Variants in MOGAT1 observed in about 807,000 individuals in gnomAD.
The protein encoded by MOGAT1 is 2-acylglycerol O-acyltransferase 1.
MOGAT1 carries 32 observed loss-of-function variants against 31.4 expected under a neutral mutation model. The ratio of observed to expected loss-of-function variants is 1.02; its 90% CI spans 0.77 to 1.37. MOGAT1 has a LOEUF of 1.37. Among genes scored for constraint, MOGAT1 ranks in the 40% most tolerant of loss-of-function variants. MOGAT1 has a pLI of 0.00. For missense variants in MOGAT1, 426 were observed against 402.0 expected (o/e 1.06, Z -0.51); for synonymous variants, 145 against 144.5 (o/e 1.00, Z -0.03).
At chr2:222,701,596 A>AAGAAAGGG (rs1692930362) in intron 5 of MOGAT1, among the ~76,000 whole-genome samples, 1 of 138,978 alleles carries the variant, frequency 7.2e-6, no homozygotes, top group African/African-American at 2.8e-5. Context: ...GAAAGAAAGA[A>AAGAAAGGG]AGGGAGGGAG....
In MOGAT1 at chr2:222,709,716, A is replaced by T. The variant is rs771991285; in HGVS notation, c.854-20A>T. 1 of 1,611,008 alleles carries T rather than the reference A, an allele frequency of 6.2e-7. No individual in the cohort carries two copies. Among genetic ancestry groups the T allele is most frequent in the Non-Finnish European group, 8.5e-7 (1 of 1,178,532 alleles). On this transcript the variant is annotated intron_variant, in intron 5 of 5. Coordinates refer to ENST00000446656, the MANE Select transcript of MOGAT1 (RefSeq NM_058165.3). ...GAGTGGTTTTAGTTCCTCACGTATG[A>T]TGTATTCCCTGATTTGCAGTTGGCC...
chr2:222,707,665 A>G (rs1693026282), intron 5 of MOGAT1, among the ~76,000 whole-genome samples: 1 of 152,204 alleles, frequency 6.6e-6, no homozygotes, highest in Non-Finnish European at 1.5e-5. Flanking sequence ...AACAGGACTT[A>G]TGTCTACTAT....
chr2:222,690,280 C>T (rs139250850), intron 3 of MOGAT1, among the ~76,000 whole-genome samples: 122 of 152,090 alleles, frequency 8.0e-4, no homozygotes, highest in African/African-American at 2.9e-3. Context: ...TAAAAAGAGA[C>T]GAGGGCAGTG....
chr2:222,701,596 A>AAAAGAAAGAAAGGGAGGG (rs763465755), intron 5 of MOGAT1, among the ~76,000 whole-genome samples: 12 of 139,086 alleles, frequency 8.6e-5, no homozygotes, highest in African/African-American at 3.4e-4. Context: ...GAAAGAAAGA[A>AAAAGAAAGAAAGGGAGGG]AGGGAGGGAG....
chr2:222,680,055 C>A (rs929233108), intron 1 of MOGAT1, among the ~76,000 whole-genome samples: 10 of 152,204 alleles, frequency 6.6e-5, no homozygotes, highest in African/African-American at 2.4e-4. Flanking sequence ...AGAATGGAGG[C>A]TGCCCTGATT....
chr2:222,694,773 C>CA (rs902885175), intron 4 of MOGAT1, among the ~76,000 whole-genome samples: 1 of 152,120 alleles, frequency 6.6e-6, no homozygotes, highest in Non-Finnish European at 1.5e-5. Context: ...AGAACAACAA[C>CA]AAAAACCAAC....
At chr2:222,692,000 A>G (rs1052150307) in intron 3 of MOGAT1, among the ~76,000 whole-genome samples, 1 of 152,350 alleles carries the variant, frequency 6.6e-6, no homozygotes, top group African/African-American at 2.4e-5. Context: ...GAATCAGATC[A>G]CAACAGCCTT....
rs951391038 is a variant in MOGAT1, at chr2:222,675,511, A to G, written c.94+3632A>G. ...TTTTTTTTTTTTGAGACGGAGTCTC[A>G]CTCTGTCGCCCAGGCTGGAGTGCAG... On this transcript the variant is annotated intron_variant, in intron 1 of 5. Transcript: ENST00000446656. Among the ~76,000 whole-genome samples the G allele has an allele frequency of 1.0e-4, 14 of 135,672 alleles. No homozygotes were observed. In the East Asian group the frequency reaches 2.1e-3, roughly 20 times the overall value. The allele number at this position is 135,672 out of a possible 152,430, so 89.0% of individuals were successfully genotyped here.
intron 1 of MOGAT1, 57 bp downstream of exon 1, chr2:222,671,936 G>A (rs1692425146): frequency 7.1e-7 from 1 of 1,399,184 alleles, no homozygotes; most frequent in Non-Finnish European, 9.9e-7. Context: ...CCCTCGGGAC[G>A]GTCCGGATTC....
intron 5 of MOGAT1, among the ~76,000 whole-genome samples, chr2:222,698,061 T>C (rs1168816149): frequency 2.0e-5 from 3 of 152,192 alleles, no homozygotes; most frequent in East Asian, 1.9e-4. Flanking sequence ...GAGATTCTTA[T>C]GACAAGAGAC....
At position 222,709,812 on chromosome 2, in the gene MOGAT1, G is replaced by A. The variant is rs1457691867; in HGVS notation, c.930G>A (p.Met310Ile). ...EQIEELHQTY[M>I]EELRKLFEEH... The stretch of plus-strand genomic sequence containing the variant: ...TTGAGGAGTTACATCAGACCTATAT[G>A]GAGGAACTTAGGAAATTGTTTGAGG... The change falls in exon 6 of 6, where the codon ATG (methionine) becomes ATA (isoleucine). Residue 310 changes from methionine to isoleucine, a missense_variant. Coordinates refer to ENST00000446656, the MANE Select transcript of MOGAT1 (RefSeq NM_058165.3). 23 of 1,613,406 alleles carry A rather than the reference G, an allele frequency of 1.4e-5. No individual in the cohort carries two copies. The East Asian group carries it at 5.1e-4, about 36-fold the overall frequency.
chr2:222,688,013 TA>T (rs1692701968), intron 1 of MOGAT1, among the ~76,000 whole-genome samples: 2 of 152,178 alleles, frequency 1.3e-5, no homozygotes, highest in African/African-American at 2.4e-5. Flanking sequence ...CTCTCTTTTT[TA>T]AAAAGAACAT....
intron 1 of MOGAT1, among the ~76,000 whole-genome samples, chr2:222,681,994 C>T (rs541143715): frequency 1.3e-5 from 2 of 152,176 alleles, no homozygotes; most frequent in African/African-American, 2.4e-5. Context: ...ATGTTTGTTA[C>T]GAGGGTAATT....
intron 5 of MOGAT1, among the ~76,000 whole-genome samples, chr2:222,701,287 A>G (rs1466665450): frequency 7.4e-6 from 1 of 134,496 alleles, no homozygotes; most frequent in Non-Finnish European, 1.6e-5. Flanking sequence ...AGAGAGAGAG[A>G]GAGGAGGAGG....
intron 5 of MOGAT1, among the ~76,000 whole-genome samples, chr2:222,705,911 A>G (rs1692998985): frequency 6.6e-6 from 1 of 152,092 alleles, no homozygotes. Flanking sequence ...TTTTTGAATT[A>G]TTTAGTAAAG....
At chr2:222,672,921 T>TATTATTATTATTATC (rs1692441789) in intron 1 of MOGAT1, among the ~76,000 whole-genome samples, 1 of 148,846 alleles carries the variant, frequency 6.7e-6, no homozygotes, top group African/African-American at 2.5e-5. Context: ...TTATTATTAT[T>TATTATTATTATTATC]ATTATCTTTG....
At chr2:222,683,802 A>G (rs1692622037) in intron 1 of MOGAT1, among the ~76,000 whole-genome samples, 1 of 152,230 alleles carries the variant, frequency 6.6e-6, no homozygotes, top group African/African-American at 2.4e-5. Context: ...AAGTGAAAAC[A>G]GAGTGCCATT....
At chr2:222,709,358 T>G (rs556995529) in intron 5 of MOGAT1, among the ~76,000 whole-genome samples, 1 of 152,158 alleles carries the variant, frequency 6.6e-6, no homozygotes, top group African/African-American at 2.4e-5. Context: ...CCACGTGACG[T>G]GAGGATTCAC....
chr2:222,705,138 A>G (rs578177445), intron 5 of MOGAT1, among the ~76,000 whole-genome samples: 9 of 152,316 alleles, frequency 5.9e-5, no homozygotes, highest in Admixed American at 2.0e-4. Flanking sequence ...TGACGTTGCC[A>G]TGGCATTTGT....
Sources: allele counts gnomAD v4.1 joint callset (sites outside exome capture counted in the v4.1 genomes callset), GRCh38; gene constraint gnomAD v4.1.1; transcripts MANE v1.5; gene names NCBI Gene and HGNC (gene_info 2026-07-23, HGNC 2026-07-21).